BTD: variants seen among roughly 807,000 people sequenced by gnomAD.
BTD encodes biocytinase.
In BTD, 13 loss-of-function variants were observed where a neutral mutation model predicts 17.7. The observed-to-expected ratio is 0.74, with a 90% CI of 0.48 to 1.17. The LOEUF is 1.17. BTD is among the 50% of genes most tolerant of loss of function. The pLI, the probability that BTD is intolerant of heterozygous loss-of-function variation, is 0.00. For synonymous variants in BTD, 240 were observed against 245.2 expected (o/e 0.98, Z 0.20); for missense variants, 674 against 650.4 (o/e 1.04, Z -0.39).
At chr3:15,676,143 G>A (rs1200170612) in intron 3 of BTD, 1 of 524,574 alleles carries the variant, frequency 1.9e-6, no homozygotes, top group Non-Finnish European at 3.4e-6. Flanking sequence ...TGGGGGCAGG[G>A]AGAGCAGAAC....
chr3:15,715,838 C>G (rs574440875), downstream of BTD, among the ~76,000 whole-genome samples: 1 of 151,318 alleles, frequency 6.6e-6, no homozygotes, highest in East Asian at 1.9e-4. Context: ...TTTGTTTTAC[C>G]ATTATTTTTC....
chr3:15,692,037 G>A (rs1030751250), intron 3 of BTD, among the ~76,000 whole-genome samples: 3 of 151,900 alleles, frequency 2.0e-5, no homozygotes, highest in African/African-American at 7.3e-5. Flanking sequence ...CTATGCAGGA[G>A]GCTGAGGCGG....
chr3:15,722,254 G>T (rs951328920), exon 5 of BTD, among the ~76,000 whole-genome samples: 1 of 152,136 alleles, frequency 6.6e-6, no homozygotes, highest in Non-Finnish European at 1.5e-5. Context: ...TCAACCACAT[G>T]GACAACCAAT....
intron 1 of BTD, among the ~76,000 whole-genome samples, chr3:15,631,923 G>T (rs1359475513): frequency 6.6e-6 from 1 of 152,172 alleles, no homozygotes; most frequent in Non-Finnish European, 1.5e-5. Context: ...AATGCAGGGG[G>T]ATGTTAGGAG....
At chr3:15,601,574 G>A, upstream of BTD, 1 of 1,596,558 alleles carries the variant, frequency 6.3e-7, no homozygotes, top group Non-Finnish European at 8.5e-7. Flanking sequence ...ACCTCTGACG[G>A]ACAGGAGGGC....
intron 3 of BTD, among the ~76,000 whole-genome samples, chr3:15,661,507 T>G (rs1330342494): frequency 6.6e-6 from 1 of 152,180 alleles, no homozygotes; most frequent in Non-Finnish European, 1.5e-5. Flanking sequence ...TTGCTTGTGT[T>G]CTTATTTGTG....
chr3:15,662,532 C>T (rs1050645721), intron 3 of BTD, among the ~76,000 whole-genome samples: 10 of 152,146 alleles, frequency 6.6e-5, no homozygotes, highest in Non-Finnish European at 1.5e-4. Context: ...CATAAATGAT[C>T]ATGTCATTTG....
At chr3:15,673,073 G>A (rs1249636192) in intron 3 of BTD, among the ~76,000 whole-genome samples, 4 of 152,144 alleles carry the variant, frequency 2.6e-5, no homozygotes, top group East Asian at 3.9e-4. Flanking sequence ...CACCATGCCC[G>A]GCCAGTTTTA....
In BTD at chr3:15,635,311, G is replaced by A; in HGVS notation, c.-16-113G>A. 1 of 1,496,106 alleles carries A rather than the reference G, an allele frequency of 6.7e-7. No individual in the cohort carries two copies. Among genetic ancestry groups the A allele is most frequent in the Non-Finnish European group, 9.2e-7 (1 of 1,081,162 alleles). 92.7% of individuals were successfully genotyped at this position (1,496,106 alleles called of 1,614,324 possible). On this transcript the variant is annotated intron_variant, in intron 1 of 3. Coordinates refer to ENST00000643237, the MANE Select transcript of BTD (RefSeq NM_001370658.1). The surrounding 1 kb of genome is among the most constrained non-coding windows in gnomAD (Gnocchi z 4.1). ...CATGAAACAAACTCTTTGAGCCGCA[G>A]TATCACTGCGAGTGAGTTTAATTGC...
intron 3 of BTD, chr3:15,684,737 G>C (rs1206527726): frequency 7.0e-6 from 1 of 143,174 alleles, no homozygotes; most frequent in Non-Finnish European, 1.5e-5. Flanking sequence ...AATAGTAAAA[G>C]AACACAATCA....
In BTD at chr3:15,645,457, C is replaced by G. The variant is rs1210441433; in HGVS notation, c.1541C>G (p.Ala514Gly). 1 of 1,611,030 alleles carries G rather than the reference C, an allele frequency of 6.2e-7. No individual in the cohort carries two copies. Among genetic ancestry groups the G allele is most frequent in the South Asian group, 1.1e-5 (1 of 91,082 alleles). The change falls in exon 4 of 4, where the codon GCT becomes GGT. Residue 514 changes from alanine (A) to glycine (G), a missense_variant. By Grantham distance (60) the Ala-to-Gly change is moderately conservative (BLOSUM62 0). Coordinates refer to ENST00000643237, the MANE Select transcript of BTD (RefSeq NM_001370658.1). ...SRLSSGLVTA[A>G]LYGRLYERD ...CTGTCCTCTGGGCTGGTGACGGCGGCTCTCTATGGGCGCTTGTATGAGAGG... is the reference window on the plus strand; with the variant it reads ...CTGTCCTCTGGGCTGGTGACGGCGGGTCTCTATGGGCGCTTGTATGAGAGG...
chr3:15,653,013 G>A lies in BTD; in HGVS notation c.*7525G>A, dbSNP rs1254204223. On this transcript the variant is annotated 3_prime_UTR_variant, in exon 4 of 4. Coordinates refer to ENST00000643237, the MANE Select transcript of BTD (RefSeq NM_001370658.1). Reference sequence around the variant, plus strand: ...TTCTAGAGGAGGTATTCTGACAGTGGCCAGGAAAACCTCCTGCCCGCAGAA... The same window carrying A: ...TTCTAGAGGAGGTATTCTGACAGTGACCAGGAAAACCTCCTGCCCGCAGAA... Among the ~76,000 whole-genome samples, 2 of 152,160 alleles carry A rather than the reference G, an allele frequency of 1.3e-5. No individual in the cohort carries two copies. The highest frequency in any genetic ancestry group is 3.8e-4 in the East Asian group (2 of 5,200).
chr3:15,607,147 A>C (rs1191267503), intron 1 of BTD, among the ~76,000 whole-genome samples: 3 of 151,816 alleles, frequency 2.0e-5, no homozygotes, highest in African/African-American at 7.3e-5. Flanking sequence ...CACATTCTTT[A>C]TTACTTTCAT....
downstream of BTD, chr3:15,713,739 TAATAGA>T (rs1410758804): frequency 3.1e-6 from 2 of 645,802 alleles, no homozygotes; most frequent in Non-Finnish European, 5.1e-6. Context: ...ACATACAAAC[TAATAGA>T]TACAGCAATT....
intron 3 of BTD, chr3:15,670,438 A>C (rs2066225733): frequency 6.2e-7 from 1 of 1,613,882 alleles, no homozygotes; most frequent in African/African-American, 1.3e-5. Flanking sequence ...GGTTAATGGC[A>C]TTGAATGTTA....
chr3:15,657,888 C>T (rs968690265), downstream of BTD, among the ~76,000 whole-genome samples: 2 of 151,534 alleles, frequency 1.3e-5, no homozygotes, highest in Admixed American at 6.6e-5. Context: ...TTGGAGGGGG[C>T]CGGGCGTGGT....
intron 3 of BTD, among the ~76,000 whole-genome samples, chr3:15,707,424 G>A (rs992407098): frequency 7.2e-5 from 11 of 152,304 alleles, no homozygotes; most frequent in African/African-American, 1.9e-4. Context: ...TAAGCAACAT[G>A]TAGTACCTAC....
At chr3:15,612,610 A>T (rs2064668365) in intron 1 of BTD, among the ~76,000 whole-genome samples, 1 of 150,972 alleles carries the variant, frequency 6.6e-6, no homozygotes, top group Non-Finnish European at 1.5e-5. Context: ...TTCTTTCTTG[A>T]GTTTTGCTAT....
intron 3 of BTD, chr3:15,667,849 T>C (rs1481720676): frequency 1.1e-4 from 16 of 152,226 alleles, no homozygotes; most frequent in African/African-American, 3.4e-4. Flanking sequence ...TTCTGGTGTA[T>C]GTGATAAATT....
Sources: allele counts gnomAD v4.1 joint callset (sites outside exome capture counted in the v4.1 genomes callset), GRCh38; gene constraint gnomAD v4.1.1; non-coding constraint Gnocchi (gnomAD v3.1); transcripts MANE v1.5; gene names NCBI Gene and HGNC (gene_info 2026-07-23, HGNC 2026-07-21).